The following PTPRG variants were observed in gnomAD, a reference collection of about 807,000 sequenced individuals.
PTPRG encodes receptor-type tyrosine-protein phosphatase gamma.
PTPRG carries 102 observed loss-of-function variants against 165.3 expected under a neutral mutation model. That is an observed-to-expected ratio of 0.62 (90% confidence interval 0.53 to 0.73). PTPRG has a LOEUF of 0.73. Among genes scored for constraint, PTPRG ranks in the 30% least tolerant of loss-of-function variants. PTPRG has a pLI of 0.00. For synonymous variants in PTPRG, 675 were observed against 669.5 expected (o/e 1.01, Z -0.13); for missense variants, 1,866 against 1,861.4 (o/e 1.00, Z -0.05).
chr3:61,959,430 C>T (rs984781563), intron 2 of PTPRG, among the ~76,000 whole-genome samples: 1 of 152,194 alleles, frequency 6.6e-6, no homozygotes, highest in Non-Finnish European at 1.5e-5. Flanking sequence ...CACCTCAGAT[C>T]ATCAGGCACG....
intron 2 of PTPRG, among the ~76,000 whole-genome samples, chr3:61,781,155 C>A (rs1361550461): frequency 3.3e-5 from 5 of 152,144 alleles, no homozygotes; most frequent in African/African-American, 1.2e-4. Flanking sequence ...GGAAAGATGC[C>A]TTGGGGCTGA....
intron 2 of PTPRG, among the ~76,000 whole-genome samples, chr3:61,852,473 T>C (rs570058399): frequency 6.6e-6 from 1 of 152,228 alleles, no homozygotes. Flanking sequence ...ACTTGCATAC[T>C]TCGGATTTTC....
rs1413967862 is a variant in PTPRG at position 62,263,174 on chromosome 3, T to C, written c.2656+280T>C. On this transcript the variant is annotated intron_variant, in intron 17 of 29. Transcript: ENST00000474889. ...ACATGAAGTGATGTCATATCACATG[T>C]TGGGAGCCAAAATTTGAATGTCACT... 27 of 300,118 alleles carry C rather than the reference T, an allele frequency of 9.0e-5. No individual in the cohort carries two copies. The Admixed American group carries it at 1.3e-3, about 14-fold the overall frequency. 18.6% of individuals were successfully genotyped at this position (300,118 alleles called of 1,614,324 possible).
chr3:61,599,883 G>A (rs1700803992), intron 1 of PTPRG, among the ~76,000 whole-genome samples: 3 of 152,100 alleles, frequency 2.0e-5, no homozygotes, highest in Admixed American at 1.3e-4. Flanking sequence ...GAATGGCTGG[G>A]CAGGGTGGCC....
intron 2 of PTPRG, among the ~76,000 whole-genome samples, chr3:61,754,940 A>G (rs1056567300): frequency 4.6e-5 from 7 of 151,808 alleles, no homozygotes; most frequent in African/African-American, 1.7e-4. Flanking sequence ...CTCTTAAGGG[A>G]ATCATTTCCT....
chr3:62,117,899 G>T (rs1303017524), intron 5 of PTPRG, among the ~76,000 whole-genome samples: 1 of 152,152 alleles, frequency 6.6e-6, no homozygotes, highest in Non-Finnish European at 1.5e-5. Context: ...GAATTAGTGG[G>T]TGAATTAATG....
intron 1 of PTPRG, among the ~76,000 whole-genome samples, chr3:61,711,673 T>G (rs754976426): frequency 7.9e-5 from 12 of 152,176 alleles, no homozygotes; most frequent in Non-Finnish European, 1.6e-4. Flanking sequence ...GGGAGAAAAT[T>G]TTTGCAATGT....
At chr3:62,084,642 G>A (rs557814692) in intron 5 of PTPRG, among the ~76,000 whole-genome samples, 2 of 152,292 alleles carry the variant, frequency 1.3e-5, no homozygotes, top group African/African-American at 4.8e-5. Flanking sequence ...AAGGCAGGAG[G>A]AGTTCTTGAT....
In PTPRG at chr3:61,678,752, A is replaced by T. The variant is rs371602819; in HGVS notation, c.86-70126A>T. On this transcript the variant is annotated intron_variant, in intron 1 of 29. Transcript: ENST00000474889. ...TGTCCCATTTTGATACTTATTATAC[A>T]AATAACCCCAAACACGTGTACTCTT... Among the ~76,000 whole-genome samples, 5 of 152,178 alleles carry T rather than the reference A, an allele frequency of 3.3e-5. No homozygotes were observed. The East Asian group carries it at 9.6e-4, about 29-fold the overall frequency.
chr3:62,215,077 T>A (rs964662783), intron 12 of PTPRG, among the ~76,000 whole-genome samples: 1 of 152,140 alleles, frequency 6.6e-6, no homozygotes, highest in South Asian at 2.1e-4. Flanking sequence ...TGAGTGTGGC[T>A]GGAACCGTGA....
At position 61,722,222 on chromosome 3, in the gene PTPRG, T is replaced by TACACACACACAC. The variant is rs111827362; in HGVS notation, c.86-26644_86-26633dup. ...GAGCAAAGAGAGAGGGCAAAACAAA[T>TACACACACACAC]ACACACACACACACACACACACATG... On this transcript the variant is annotated intron_variant, in intron 1 of 29. Transcript: ENST00000474889. Among the ~76,000 whole-genome samples, 27 of 149,076 alleles carry TACACACACACAC rather than the reference T, an allele frequency of 1.8e-4. No individual in the cohort carries two copies. The East Asian group carries it at 2.0e-3, about 11-fold the overall frequency.
In PTPRG at chr3:62,117,933, G is replaced by A. The variant is rs997905258; in HGVS notation, c.616-14669G>A. Among the ~76,000 whole-genome samples the A allele has an allele frequency of 2.6e-5, 4 of 152,288 alleles. No homozygotes were observed. The South Asian group carries it at 6.2e-4, about 24-fold the overall frequency. On this transcript the variant is annotated intron_variant, in intron 5 of 29. Transcript: ENST00000474889. Reference sequence around the variant, plus strand: ...TGAATAGGTGGATGGATGAAGTTTAGCACTGATAATTTTAACAGTAATGTT... The same window carrying A: ...TGAATAGGTGGATGGATGAAGTTTAACACTGATAATTTTAACAGTAATGTT...
At chr3:62,135,466 G>A (rs1289072765) in intron 6 of PTPRG, among the ~76,000 whole-genome samples, 1 of 152,064 alleles carries the variant, frequency 6.6e-6, no homozygotes, top group Non-Finnish European at 1.5e-5. Context: ...TTCTGTTGCA[G>A]TTCAGAAATG....
chr3:62,207,890 A>C (rs915227766), intron 12 of PTPRG, among the ~76,000 whole-genome samples: 1 of 152,198 alleles, frequency 6.6e-6, no homozygotes, highest in Non-Finnish European at 1.5e-5. Flanking sequence ...CAGCAAATTA[A>C]AGAGCACATG....
At chr3:61,788,344 A>C (rs772553215) in intron 2 of PTPRG, among the ~76,000 whole-genome samples, 5 of 152,224 alleles carry the variant, frequency 3.3e-5, no homozygotes. Flanking sequence ...CAAAATATTA[A>C]AATTTGTGAT....
At chr3:62,048,764 A>G (rs1700376317) in intron 4 of PTPRG, among the ~76,000 whole-genome samples, 1 of 152,214 alleles carries the variant, frequency 6.6e-6, no homozygotes, top group Admixed American at 6.5e-5. Context: ...CCTGCATTAC[A>G]TAATTGCTGT....
intron 2 of PTPRG, among the ~76,000 whole-genome samples, chr3:61,758,836 C>A (rs1477600724): frequency 6.6e-6 from 1 of 152,032 alleles, no homozygotes. Flanking sequence ...AAGGAGGACC[C>A]ATTTCACTGG....
At chr3:61,919,258 AC>A (rs1432659636) in intron 2 of PTPRG, among the ~76,000 whole-genome samples, 40 of 152,304 alleles carry the variant, frequency 2.6e-4, no homozygotes, top group African/African-American at 9.4e-4. Flanking sequence ...GGTTGGAGAT[AC>A]AGATGTGGTT....
At chr3:61,888,517 G>A (rs1383968478) in intron 2 of PTPRG, among the ~76,000 whole-genome samples, 1 of 152,078 alleles carries the variant, frequency 6.6e-6, no homozygotes, top group Non-Finnish European at 1.5e-5. Flanking sequence ...ATTTTTAGTA[G>A]AGACGGGGTT....
Sources: allele counts gnomAD v4.1 joint callset (sites outside exome capture counted in the v4.1 genomes callset), GRCh38; gene constraint gnomAD v4.1.1; transcripts MANE v1.5; gene names NCBI Gene and HGNC (gene_info 2026-07-23, HGNC 2026-07-21).